LRRTM3: variants seen among roughly 807,000 people sequenced by gnomAD.
LRRTM3 encodes leucine rich repeat transmembrane neuronal 3.
LRRTM3 carries 24 observed loss-of-function variants against 44.7 expected under a neutral mutation model. The observed-to-expected ratio is 0.54, with a 90% CI of 0.39 to 0.76. The LOEUF (loss-of-function observed/expected upper bound fraction) is 0.76. Ranked by LOEUF, LRRTM3 falls within the 30% of genes least tolerant of loss-of-function variation. LRRTM3 has a pLI of 0.00. For synonymous variants in LRRTM3, 277 were observed against 278.7 expected (o/e 0.99, Z 0.06); for missense variants, 587 against 702.2 (o/e 0.84, Z 1.85).
chr10:66,936,614 T>C (rs1448685899), intron 2 of LRRTM3, among the ~76,000 whole-genome samples: 2 of 152,280 alleles, frequency 1.3e-5, no homozygotes, highest in African/African-American at 2.4e-5. Context: ...GTCAGTTTCA[T>C]GGTTGGAGTC....
At chr10:67,073,228 C>A (rs1856560997) in intron 2 of LRRTM3, among the ~76,000 whole-genome samples, 1 of 152,126 alleles carries the variant, frequency 6.6e-6, no homozygotes, top group Non-Finnish European at 1.5e-5. Flanking sequence ...CTATGACCTA[C>A]TTGAAAATCA....
intron 2 of LRRTM3, among the ~76,000 whole-genome samples, chr10:66,953,084 C>G (rs1848622132): frequency 6.6e-6 from 1 of 152,036 alleles, no homozygotes; most frequent in Admixed American, 6.6e-5. Flanking sequence ...AGAAACCAAC[C>G]AGCAAAACCA....
chr10:67,066,235 C>G (rs1048427670), intron 2 of LRRTM3, among the ~76,000 whole-genome samples: 5 of 147,776 alleles, frequency 3.4e-5, no homozygotes, highest in African/African-American at 1.3e-4. Context: ...CTCCATCGCC[C>G]AGGCTAGAGT....
chr10:66,931,930 T>C (rs553769086), intron 2 of LRRTM3, among the ~76,000 whole-genome samples: 16 of 152,322 alleles, frequency 1.1e-4, no homozygotes, highest in Admixed American at 2.6e-4. Context: ...GCAAGATACA[T>C]GTAATTTAGG....
At chr10:67,057,734 C>T (rs773787004) in intron 2 of LRRTM3, among the ~76,000 whole-genome samples, 3 of 152,142 alleles carry the variant, frequency 2.0e-5, no homozygotes, top group African/African-American at 4.8e-5. Context: ...ACCACCACCA[C>T]GATGAGCTTC....
At chr10:67,085,916 C>T (rs1016978893) in intron 2 of LRRTM3, among the ~76,000 whole-genome samples, 52 of 151,876 alleles carry the variant, frequency 3.4e-4, no homozygotes, top group Non-Finnish European at 6.9e-4. Context: ...TTAAACATGA[C>T]GTTATCTATA....
intron 2 of LRRTM3, among the ~76,000 whole-genome samples, chr10:67,096,937 G>C (rs986314824): frequency 4.0e-4 from 61 of 151,948 alleles, no homozygotes; most frequent in African/African-American, 1.4e-3. Flanking sequence ...GAATCTTCAT[G>C]ATAAAATAAA....
At chr10:67,045,223 C>T (rs1204028530) in intron 2 of LRRTM3, among the ~76,000 whole-genome samples, 1 of 152,166 alleles carries the variant, frequency 6.6e-6, no homozygotes, top group Non-Finnish European at 1.5e-5. Flanking sequence ...CTTGAGATTA[C>T]TCTACCAACA....
At chr10:66,999,078 T>A (rs1159026084) in intron 2 of LRRTM3, among the ~76,000 whole-genome samples, 2 of 152,128 alleles carry the variant, frequency 1.3e-5, no homozygotes, top group African/African-American at 2.4e-5. Context: ...CAAAAGTTAA[T>A]AAAATTGGAA....
chr10:67,088,327 G>A (rs967926696), intron 2 of LRRTM3, among the ~76,000 whole-genome samples: 5 of 151,606 alleles, frequency 3.3e-5, no homozygotes, highest in African/African-American at 1.2e-4. Flanking sequence ...ATTTCTCTTT[G>A]GTTTTGTAGA....
At chr10:67,021,239 A>G (rs572976264) in intron 2 of LRRTM3, among the ~76,000 whole-genome samples, 1 of 152,330 alleles carries the variant, frequency 6.6e-6, no homozygotes, top group South Asian at 2.1e-4. Context: ...CAACTTTGTC[A>G]ATTATTAAGC....
At chr10:67,018,354 C>G (rs1365726680) in intron 2 of LRRTM3, among the ~76,000 whole-genome samples, 1 of 152,168 alleles carries the variant, frequency 6.6e-6, no homozygotes, top group Admixed American at 6.5e-5. Flanking sequence ...CTTCACCCAA[C>G]TTTTTAAAGG....
rs115217352 is a variant in LRRTM3 at position 66,933,038 on chromosome 10, T to C, written c.1536+4586T>C. ...GTGTACTATTGACTGCTCATGGTAA[T>C]TGGGAGGACGAAATGTGAAAAGTAC... On this transcript the variant is annotated intron_variant, in intron 2 of 2. Transcript: ENST00000361320. Among the ~76,000 whole-genome samples the C allele has an allele frequency of 4.0e-3, 607 of 152,294 alleles. 4 individuals are homozygous for C. Among genetic ancestry groups the C allele is most frequent in the African/African-American group, 0.014 (579 of 41,570 alleles).
intron 2 of LRRTM3, among the ~76,000 whole-genome samples, chr10:67,082,730 C>T (rs1395681334): frequency 6.6e-6 from 1 of 152,118 alleles, no homozygotes; most frequent in African/African-American, 2.4e-5. Flanking sequence ...AAATAAAGTA[C>T]TTCTACATCA....
intron 2 of LRRTM3, among the ~76,000 whole-genome samples, chr10:66,955,245 T>C (rs1848726528): frequency 6.6e-6 from 1 of 152,156 alleles, no homozygotes. Flanking sequence ...GTTATATACA[T>C]AGATCATCAA....
chr10:66,981,326 T>G (rs1850428397), intron 2 of LRRTM3, among the ~76,000 whole-genome samples: 1 of 152,240 alleles, frequency 6.6e-6, no homozygotes. Flanking sequence ...CTCTAAATAT[T>G]GTTCTGATTA....
intron 2 of LRRTM3, among the ~76,000 whole-genome samples, chr10:66,962,690 C>A (rs567618706): frequency 6.6e-6 from 1 of 152,034 alleles, no homozygotes; most frequent in African/African-American, 2.4e-5. Flanking sequence ...GGATTACAGG[C>A]GTGAGCCACC....
intron 2 of LRRTM3, among the ~76,000 whole-genome samples, chr10:66,986,495 TTG>T (rs1850735553): frequency 1.3e-5 from 2 of 152,018 alleles, no homozygotes; most frequent in Admixed American, 1.3e-4. Context: ...AGACTCCATC[TTG>T]CTAAACTAAA....
intron 2 of LRRTM3, among the ~76,000 whole-genome samples, chr10:67,089,803 C>T (rs1490567391): frequency 6.6e-6 from 1 of 151,210 alleles, no homozygotes; most frequent in Non-Finnish European, 1.5e-5. Context: ...CATCCATTGC[C>T]TTCCTTTACT....
Sources: gnomAD v4.1 joint callset for allele counts (sites outside exome capture counted in the v4.1 genomes callset) on GRCh38, gnomAD v4.1.1 for gene constraint, MANE v1.5 for transcripts, NCBI Gene and HGNC (gene_info 2026-07-23, HGNC 2026-07-21) for gene names.